The following LGR5 variants were observed in gnomAD, a reference collection of about 807,000 sequenced individuals.
LGR5 encodes the protein leucine-rich repeat-containing G protein-coupled receptor 5.
LGR5 carries 54 observed loss-of-function variants against 76.7 expected under a neutral mutation model. That is an observed-to-expected ratio of 0.70 (90% CI 0.57 to 0.88). LGR5 has a LOEUF of 0.88. Ranked by LOEUF, LGR5 falls within the 40% of genes least tolerant of loss-of-function variation. LGR5 has a pLI of 0.00. For missense variants in LGR5, 1,078 were observed against 1,073.3 expected (o/e 1.00, Z -0.06); for synonymous variants, 406 against 421.9 (o/e 0.96, Z 0.46).
At chr12:71,518,035 C>T (rs1875530375) in intron 2 of LGR5, among the ~76,000 whole-genome samples, 1 of 152,238 alleles carries the variant, frequency 6.6e-6, no homozygotes, top group Admixed American at 6.5e-5. Context: ...TTTAGTCCCT[C>T]CTGCGCTTCC....
At chr12:71,520,837 G>A (rs1206378815) in intron 2 of LGR5, among the ~76,000 whole-genome samples, 3 of 152,100 alleles carry the variant, frequency 2.0e-5, no homozygotes, top group Admixed American at 6.5e-5. Context: ...TGCACATTGT[G>A]CACATGTACC....
chr12:71,545,922 AAG>A (rs1379721059), intron 4 of LGR5, among the ~76,000 whole-genome samples: 15 of 152,224 alleles, frequency 9.9e-5, no homozygotes, highest in Non-Finnish European at 1.8e-4. Flanking sequence ...TTTCTTGTAA[AAG>A]AGAAAATTTG....
chr12:71,518,089 T>C (rs567803018), intron 2 of LGR5, among the ~76,000 whole-genome samples: 5 of 152,216 alleles, frequency 3.3e-5, no homozygotes, highest in Admixed American at 2.6e-4. Context: ...AAGGGTCCCA[T>C]TGAAAATTTT....
At chr12:71,572,578 A>G (rs766807086) in intron 12 of LGR5, among the ~76,000 whole-genome samples, 6 of 152,230 alleles carry the variant, frequency 3.9e-5, no homozygotes, top group Non-Finnish European at 7.3e-5. Flanking sequence ...AGGCAGCACT[A>G]GAAGAGTCCT....
Position 71,583,651 on chromosome 12 carries a change from C to T in LGR5, c.1641C>T (p.Pro547=), listed in dbSNP as rs2137484675. ...TTGCCTTCCTTGGACTTCTAGGCCC[C>T]TTCAAACCCTGTGAACACCTGCTTG... The part of the protein sequence containing the change: ...HSVQCSPSPG[P]FKPCEHLLDG... Residue 547 remains proline (P), a synonymous_variant, in exon 18 of 18, where the codon CCC becomes CCT. Coordinates refer to ENST00000266674, the MANE Select transcript of LGR5 (RefSeq NM_003667.4). 3.1e-6 allele frequency: 5 copies of T among 1,611,080 alleles called. No homozygotes were observed. Among genetic ancestry groups the T allele is most frequent in the East Asian group, 2.2e-5 (1 of 44,834 alleles).
chr12:71,458,137 T>C (rs974937758), intron 1 of LGR5, among the ~76,000 whole-genome samples: 3 of 152,284 alleles, frequency 2.0e-5, no homozygotes, highest in Non-Finnish European at 2.9e-5. Flanking sequence ...TTACTTTTTT[T>C]CTTGTTGATA....
intron 1 of LGR5, among the ~76,000 whole-genome samples, chr12:71,502,643 T>C (rs1475819720): frequency 1.3e-5 from 2 of 152,226 alleles, no homozygotes; most frequent in East Asian, 3.8e-4. Context: ...CCCACGATTA[T>C]GCAGCTAATA....
chr12:71,460,369 A>C (rs1872639560), intron 1 of LGR5, among the ~76,000 whole-genome samples: 1 of 152,128 alleles, frequency 6.6e-6, no homozygotes, highest in South Asian at 2.1e-4. Flanking sequence ...TCCAATCATG[A>C]CTTCTGCCTG....
At chr12:71,559,313 CT>C (rs1877938373) in intron 6 of LGR5, among the ~76,000 whole-genome samples, 1 of 152,198 alleles carries the variant, frequency 6.6e-6, no homozygotes, top group Non-Finnish European at 1.5e-5. Context: ...GAAGTTAATA[CT>C]CCTGCACACT....
rs778076062 is a variant in LGR5, at chr12:71,495,077, T to TGA, written c.213-9537_213-9536insGA. Among the ~76,000 whole-genome samples, 2 of 149,006 alleles carry TGA rather than the reference T, an allele frequency of 1.3e-5. 1 individual carries two copies. Among genetic ancestry groups the TGA allele is most frequent in the African/African-American group, 5.1e-5 (2 of 39,322 alleles). On this transcript the variant is annotated intron_variant, in intron 1 of 17. Transcript: ENST00000266674. ...CATGGCCCAAGGATTTGGGGCGTAG[T>TGA]CGGGGGGGGTCTCCTTTGAATCCCA...
rs145172766 is a variant in LGR5 at position 71,511,236 on chromosome 12, C to T, written c.284+6551C>T. Among the ~76,000 whole-genome samples the T allele has an allele frequency of 1.6e-3, 248 of 152,262 alleles. 3 individuals carry two copies. In the East Asian group the frequency reaches 0.025, roughly 15 times the overall value. ...ATGTTTCCAGACCAGATCTCTTTTG[C>T]CTTTGATTGCTAGACCAATGGTTCT... On this transcript the variant is annotated intron_variant, in intron 2 of 17. Transcript: ENST00000266674.
At chr12:71,482,248 T>C (rs1002797387) in intron 1 of LGR5, among the ~76,000 whole-genome samples, 1 of 152,216 alleles carries the variant, frequency 6.6e-6, no homozygotes, top group African/African-American at 2.4e-5. Flanking sequence ...ATTAGTTTGC[T>C]GGGACTGCCA....
intron 4 of LGR5, among the ~76,000 whole-genome samples, chr12:71,550,770 C>G (rs1219718698): frequency 6.6e-6 from 1 of 152,068 alleles, no homozygotes; most frequent in Non-Finnish European, 1.5e-5. Flanking sequence ...AGCCACCACT[C>G]ATACTTTCAA....
intron 4 of LGR5, among the ~76,000 whole-genome samples, chr12:71,538,529 G>A (rs891173320): frequency 6.6e-6 from 1 of 151,996 alleles, no homozygotes; most frequent in African/African-American, 2.4e-5. Flanking sequence ...TTTTCTAACT[G>A]GCTTAATTGC....
At chr12:71,578,145 G>C in intron 14 of LGR5, 149 bp downstream of exon 14, 1 of 602,902 alleles carries the variant, frequency 1.7e-6, no homozygotes, top group Non-Finnish European at 2.9e-6. Context: ...CAGAGCCAGG[G>C]AGGAGTTCTG....
intron 2 of LGR5, among the ~76,000 whole-genome samples, chr12:71,522,023 G>A (rs1275915761): frequency 6.6e-6 from 1 of 152,146 alleles, no homozygotes; most frequent in Non-Finnish European, 1.5e-5. Flanking sequence ...CACTGAGGTT[G>A]CTTTGAAAAA....
rs780245027 is a variant in LGR5 at position 71,584,453 on chromosome 12, C to T, written c.2443C>T (p.Leu815Phe). 2.4e-5 allele frequency: 38 copies of T among 1,614,078 alleles called. No individual in the cohort carries two copies. The highest frequency in any genetic ancestry group is 3.1e-5 in the Non-Finnish European group (36 of 1,180,030). ...GGTGGTAGTCCCACTTCCTGCATGTCTCAATCCCCTTCTCTACATCTTGTT... is the reference window on the plus strand; with the variant it reads ...GGTGGTAGTCCCACTTCCTGCATGTTTCAATCCCCTTCTCTACATCTTGTT... ...LLVVVPLPAC[L>F]NPLLYILFNP... The change falls in exon 18 of 18, where the codon CTC (leucine) becomes TTC (phenylalanine). Residue 815 changes from leucine (L) to phenylalanine (F), a missense_variant. By Grantham distance (22) the Leu-to-Phe change is conservative. Coordinates refer to ENST00000266674, the MANE Select transcript of LGR5 (RefSeq NM_003667.4).
In LGR5 at chr12:71,524,493, G is replaced by A. The variant is rs1366542229; in HGVS notation, c.356+16G>A. 8.9e-6 allele frequency: 14 copies of A among 1,572,532 alleles called. No individual in the cohort carries two copies. In the South Asian group the frequency reaches 1.3e-4, roughly 15 times the overall value. ...TTAAAGTTCTGTAAGTAAACTGAGTGTTGTTGGATATATTTCTGATTTTAG... is the reference window on the plus strand; with the variant it reads ...TTAAAGTTCTGTAAGTAAACTGAGTATTGTTGGATATATTTCTGATTTTAG... On this transcript the variant is annotated intron_variant, in intron 3 of 17. Coordinates refer to ENST00000266674, the MANE Select transcript of LGR5 (RefSeq NM_003667.4).
At chr12:71,449,340 G>A (rs73138530) in intron 1 of LGR5, among the ~76,000 whole-genome samples, 24 of 152,258 alleles carry the variant, frequency 1.6e-4, no homozygotes, top group Admixed American at 2.0e-4. Context: ...TAACTCATGC[G>A]CAGCCCCTGT....
Sources: gnomAD v4.1 joint callset for allele counts (sites outside exome capture counted in the v4.1 genomes callset) on GRCh38, gnomAD v4.1.1 for gene constraint, MANE v1.5 for transcripts, NCBI Gene and HGNC (gene_info 2026-07-23, HGNC 2026-07-21) for gene names.